PCDHGB1: variants seen among roughly 807,000 people sequenced by gnomAD.
The protein encoded by PCDHGB1 is protocadherin gamma-B1.
A neutral mutation model predicts 56.6 loss-of-function variants in PCDHGB1; 34 were observed. The observed-to-expected ratio is 0.60, with a 90% confidence interval of 0.46 to 0.80. The LOEUF is 0.80. Ranked by LOEUF, PCDHGB1 falls within the 30% of genes least tolerant of loss-of-function variation. The pLI is 0.00. For synonymous variants in PCDHGB1, 561 were observed against 505.9 expected, an observed-to-expected ratio of 1.11 and a Z score of -1.46; for missense variants, 1,278 against 1,204.6, an observed-to-expected ratio of 1.06 and a Z score of -0.90.
At chr5:141,393,523 A>G in intron 1 of PCDHGB1, 1 of 1,614,018 alleles carries the variant, frequency 6.2e-7, no homozygotes, top group East Asian at 2.2e-5. Flanking sequence ...GATACAAATG[A>G]CAATGCCCCG....
chr5:141,501,302 C>T (rs886901737), intron 2 of PCDHGB1, among the ~76,000 whole-genome samples: 14 of 151,156 alleles, frequency 9.3e-5, no homozygotes, highest in African/African-American at 2.9e-4. Flanking sequence ...CACACACACA[C>T]ACACACACAC....
At chr5:141,399,445 G>A (rs2093810599) in intron 1 of PCDHGB1, 1 of 1,614,032 alleles carries the variant, frequency 6.2e-7, no homozygotes, top group Non-Finnish European at 8.5e-7. Context: ...ACATATCAGA[G>A]ACGTCAACGA....
chr5:141,437,756 T>A (rs1208576922), intron 1 of PCDHGB1, among the ~76,000 whole-genome samples: 1 of 151,718 alleles, frequency 6.6e-6, no homozygotes, highest in Non-Finnish European at 1.5e-5. Flanking sequence ...TTTTTTTTTT[T>A]GAGACAGAGT....
chr5:141,377,024 G>A (rs944242934), intron 1 of PCDHGB1: 5 of 154,950 alleles, frequency 3.2e-5, no homozygotes, highest in African/African-American at 1.2e-4. Context: ...GAAAATTCAA[G>A]ATTGTCTTTG....
At position 141,486,121 on chromosome 5, in the gene PCDHGB1, T is replaced by C. The variant is rs371827617; in HGVS notation, c.2410-8686T>C. 5.6e-6 allele frequency: 9 copies of C among 1,614,086 alleles called. No individual in the cohort carries two copies. The highest frequency in any genetic ancestry group is 2.2e-5 in the South Asian group (2 of 91,082). ...TAGACTTTGAGAGTGAGAATTACTATGAATTTGATGTGCGGGCTCGCGATG... is the reference window on the plus strand; with the variant it reads ...TAGACTTTGAGAGTGAGAATTACTACGAATTTGATGTGCGGGCTCGCGATG... On this transcript the variant is annotated intron_variant, in intron 1 of 3. Coordinates refer to ENST00000523390, the MANE Select transcript of PCDHGB1 (RefSeq NM_018922.3). This position sits in a 1 kb window ranked among gnomAD's most constrained non-coding sequence, Gnocchi z 5.0.
chr5:141,459,289 A>G (rs2098965378), intron 1 of PCDHGB1, among the ~76,000 whole-genome samples: 1 of 152,216 alleles, frequency 6.6e-6, no homozygotes, highest in Non-Finnish European at 1.5e-5. Flanking sequence ...ATCTAAATGG[A>G]ATCCTATAAC....
chr5:141,357,278 T>G, intron 1 of PCDHGB1: 1 of 1,613,822 alleles, frequency 6.2e-7, no homozygotes, highest in Non-Finnish European at 8.5e-7. Flanking sequence ...ACACTCTATC[T>G]CGTGGTGGCA....
intron 1 of PCDHGB1, chr5:141,360,250 G>T (rs1239162060): frequency 6.2e-7 from 1 of 1,613,954 alleles, no homozygotes; most frequent in Non-Finnish European, 8.5e-7. Flanking sequence ...TTCAATTCCA[G>T]AGGAGCTGGC....
intron 1 of PCDHGB1, among the ~76,000 whole-genome samples, chr5:141,460,983 G>GTGTGTGTA (rs1554142949): frequency 2.2e-5 from 3 of 137,844 alleles, no homozygotes; most frequent in African/African-American, 7.7e-5. Flanking sequence ...GTGTGTGTGT[G>GTGTGTGTA]TATATATATA....
Position 141,414,827 on chromosome 5 carries a change from C to T in PCDHGB1, c.2409+62158C>T, listed in dbSNP as rs1253521902. On this transcript the variant is annotated intron_variant, in intron 1 of 3. Coordinates refer to ENST00000523390, the MANE Select transcript of PCDHGB1 (RefSeq NM_018922.3). Reference sequence around the variant, plus strand: ...GATCCTCCACTCAGCAGCAACGTGTCGTTGAGCCTGTTTGTGCTGGACCAG... The same window carrying T: ...GATCCTCCACTCAGCAGCAACGTGTTGTTGAGCCTGTTTGTGCTGGACCAG... 1.9e-6 allele frequency: 3 copies of T among 1,614,116 alleles called. No individual in the cohort carries two copies. Among genetic ancestry groups the T allele is most frequent in the African/African-American group, 1.3e-5 (1 of 74,946 alleles).
At chr5:141,361,887 C>T in intron 1 of PCDHGB1, 2 of 1,610,304 alleles carry the variant, frequency 1.2e-6, no homozygotes, top group Non-Finnish European at 1.7e-6. Flanking sequence ...CCGCAGAGCC[C>T]GGCTACCTGG....
At position 141,512,765 on chromosome 5, in the gene PCDHGB1, G is replaced by C. The variant is rs988707269; in HGVS notation, c.*1592G>C. 1 of 152,668 alleles carries C rather than the reference G, an allele frequency of 6.6e-6. No individual in the cohort carries two copies. The highest frequency in any genetic ancestry group is 1.5e-5 in the Non-Finnish European group (1 of 68,460). The allele number at this position is 152,668 out of a possible 1,614,324, so 9.5% of individuals were successfully genotyped here. On this transcript the variant is annotated 3_prime_UTR_variant, in exon 4 of 4. Transcript: ENST00000523390. ...CCGCGCAGCCGTCTGTCCTTGATCT[G>C]CCCGCGGCGGCCCGTGTTGTGTTTT...
At chr5:141,384,074 T>G in intron 1 of PCDHGB1, 1 of 1,601,488 alleles carries the variant, frequency 6.2e-7, no homozygotes, top group Non-Finnish European at 8.5e-7. Flanking sequence ...AACCTACCTT[T>G]TAAATTAGAA....
Position 141,360,974 on chromosome 5 carries a change from C to G in PCDHGB1, c.2409+8305C>G, listed in dbSNP as rs578154507. On this transcript the variant is annotated intron_variant, in intron 1 of 3. Transcript: ENST00000523390. The stretch of plus-strand genomic sequence containing the variant: ...GGCATAAACGCAGAGATCACCTACT[C>G]CTTTCATAATGTGGACGAACAAGTG... The G allele has an allele frequency of 2.5e-6, 4 of 1,613,822 alleles. No individual in the cohort carries two copies. The South Asian group carries it at 4.4e-5, about 18-fold the overall frequency.
chr5:141,424,295 C>T (rs1481053072), intron 1 of PCDHGB1: 1 of 152,526 alleles, frequency 6.6e-6, no homozygotes, highest in East Asian at 1.9e-4. Flanking sequence ...TTTCTTCATC[C>T]TATCAACACA....
At chr5:141,421,267 C>A in intron 1 of PCDHGB1, 1 of 1,611,374 alleles carries the variant, frequency 6.2e-7, no homozygotes, top group South Asian at 1.1e-5. Flanking sequence ...CAGTCGGCTG[C>A]TGCTGCTGCT....
At chr5:141,383,600 A>G (rs1429825116) in intron 1 of PCDHGB1, 2 of 1,613,728 alleles carry the variant, frequency 1.2e-6, no homozygotes, top group South Asian at 2.2e-5. Flanking sequence ...ACAGTGGTGG[A>G]TGTGAATGAC....
At chr5:141,467,596 C>G (rs2099147035) in intron 1 of PCDHGB1, among the ~76,000 whole-genome samples, 1 of 152,202 alleles carries the variant, frequency 6.6e-6, no homozygotes, top group South Asian at 2.1e-4. Context: ...ATTTATTAAG[C>G]ACTTCATCTT....
In PCDHGB1 at chr5:141,389,412, G is replaced by A. The variant is rs1039259671; in HGVS notation, c.2409+36743G>A. 5 of 1,613,588 alleles carry A rather than the reference G, an allele frequency of 3.1e-6. No individual in the cohort carries two copies. Among genetic ancestry groups the A allele is most frequent in the Admixed American group, 3.3e-5 (2 of 60,038 alleles). On this transcript the variant is annotated intron_variant, in intron 1 of 3. Transcript: ENST00000523390. ...CTACGTGTCCATAAGCGCGGAGAGC[G>A]GGGTGGTGTTCGCGCAGCGCGCCTT...
Sources: allele counts gnomAD v4.1 joint callset (sites outside exome capture counted in the v4.1 genomes callset), GRCh38; gene constraint gnomAD v4.1.1; non-coding constraint Gnocchi (gnomAD v3.1); transcripts MANE v1.5; gene names NCBI Gene and HGNC (gene_info 2026-07-23, HGNC 2026-07-21).